The following KCNH1 variants were observed in gnomAD, a reference collection of about 807,000 sequenced individuals.
The protein encoded by KCNH1 is voltage-gated delayed rectifier potassium channel KCNH1.
In KCNH1, 27 loss-of-function variants were observed where a neutral mutation model predicts 69.2. The ratio of observed to expected loss-of-function variants is 0.39; its 90% CI spans 0.29 to 0.54. The LOEUF (loss-of-function observed/expected upper bound fraction) is 0.54, where lower values mean the gene tolerates loss of function less well. Ranked by LOEUF, KCNH1 falls within the 20% of genes least tolerant of loss-of-function variation. The pLI is 0.68. For missense variants in KCNH1, 798 were observed against 1,261.6 expected (o/e 0.63, Z 5.57); for synonymous variants, 456 against 487.7 (o/e 0.93, Z 0.86).
chr1:210,802,327 T>A (rs1025574628), intron 8 of KCNH1, among the ~76,000 whole-genome samples: 51 of 152,338 alleles, frequency 3.3e-4, no homozygotes, highest in African/African-American at 7.9e-4. Context: ...GGAACATAAG[T>A]AGCTGATCCC....
chr1:211,037,160 TC>T (rs1689914364), intron 5 of KCNH1, among the ~76,000 whole-genome samples: 1 of 152,156 alleles, frequency 6.6e-6, no homozygotes, highest in African/African-American at 2.4e-5. Flanking sequence ...GTGAGGGAGT[TC>T]TACAGATGGG....
chr1:210,968,176 G>A (rs1314569869), intron 6 of KCNH1, among the ~76,000 whole-genome samples: 1 of 144,842 alleles, frequency 6.9e-6, no homozygotes, highest in Non-Finnish European at 1.5e-5. Flanking sequence ...TTTCATCCAT[G>A]TCCCTACAAA....
intron 7 of KCNH1, among the ~76,000 whole-genome samples, chr1:210,832,565 C>T (rs1685184956): frequency 6.6e-6 from 1 of 151,910 alleles, no homozygotes; most frequent in South Asian, 2.1e-4. Context: ...AAAAGATAAC[C>T]AGGATTATTT....
intron 9 of KCNH1, among the ~76,000 whole-genome samples, chr1:210,791,427 C>T (rs996287278): frequency 2.0e-5 from 3 of 152,194 alleles, no homozygotes; most frequent in Non-Finnish European, 4.4e-5. Flanking sequence ...TTTGTGTCCA[C>T]TATAGTTGAG....
intron 8 of KCNH1, among the ~76,000 whole-genome samples, chr1:210,803,103 C>A (rs1241781082): frequency 4.6e-5 from 7 of 152,116 alleles, no homozygotes; most frequent in Non-Finnish European, 1.0e-4. Context: ...TTAGTAATGA[C>A]ATCATGGGAT....
In KCNH1 at chr1:210,919,399, T is replaced by G. The variant is rs1300748826; in HGVS notation, c.1462+241A>C. The G allele has an allele frequency of 4.2e-5, 21 of 506,002 alleles. No individual in the cohort carries two copies. In the East Asian group the frequency reaches 6.7e-4, roughly 16 times the overall value. The allele number at this position is 506,002 out of a possible 1,614,324, so 31.3% of individuals were successfully genotyped here. ...GACACCAACAGTATTAGTAGTTATCTCTGAAAAGCAGAATTATGGATAGTC... is the reference window on the plus strand; with the variant it reads ...GACACCAACAGTATTAGTAGTTATCGCTGAAAAGCAGAATTATGGATAGTC... On this transcript the variant is annotated intron_variant, in intron 7 of 10. Coordinates refer to ENST00000271751, the MANE Select transcript of KCNH1 (RefSeq NM_172362.3). The surrounding 1 kb of genome is among the most constrained non-coding windows in gnomAD (Gnocchi z 4.2).
chr1:211,017,385 A>G (rs1344612481), intron 6 of KCNH1, among the ~76,000 whole-genome samples: 1 of 152,150 alleles, frequency 6.6e-6, no homozygotes, highest in Admixed American at 6.5e-5. Flanking sequence ...CCTGAGTCCT[A>G]TGAGCCGTTT....
intron 7 of KCNH1, among the ~76,000 whole-genome samples, chr1:210,813,556 T>C (rs1480767893): frequency 1.3e-5 from 2 of 152,208 alleles, no homozygotes; most frequent in Non-Finnish European, 2.9e-5. Flanking sequence ...TCTAATTTTG[T>C]TAATGTAGTT....
intron 7 of KCNH1, among the ~76,000 whole-genome samples, chr1:210,808,399 C>T (rs1430723991): frequency 6.6e-6 from 1 of 152,170 alleles, no homozygotes; most frequent in Non-Finnish European, 1.5e-5. Flanking sequence ...CCATCATTTA[C>T]AGCTCAGGGC....
chr1:210,982,854 C>G (rs917434670), intron 6 of KCNH1, among the ~76,000 whole-genome samples: 3 of 152,200 alleles, frequency 2.0e-5, no homozygotes, highest in African/African-American at 7.2e-5. Context: ...CACTGACTTC[C>G]ACAATGGTTG....
intron 7 of KCNH1, among the ~76,000 whole-genome samples, chr1:210,886,432 A>G (rs1018504496): frequency 6.6e-6 from 1 of 152,190 alleles, no homozygotes; most frequent in Admixed American, 6.5e-5. Flanking sequence ...ACCCACGAAG[A>G]TGAGGAAAAA....
At position 210,678,637 on chromosome 1, in the gene KCNH1, A is replaced by G. The variant is rs1681193015; in HGVS notation, c.*4644T>C. On this transcript the variant is annotated 3_prime_UTR_variant, in exon 11 of 11. Coordinates refer to ENST00000271751, the MANE Select transcript of KCNH1 (RefSeq NM_172362.3). ...TATTAATATAAGGAGAAGCCCCAGA[A>G]TGATGAACTGCTCATAAGTAGAAGT... is the stretch of plus-strand genomic sequence containing the variant. The G allele has an allele frequency of 6.6e-6, 1 of 152,262 alleles. No individual in the cohort carries two copies. Among genetic ancestry groups the G allele is most frequent in the Admixed American group, 6.5e-5 (1 of 15,284 alleles). The allele number at this position is 152,262 out of a possible 1,614,324, so 9.4% of individuals were successfully genotyped here.
intron 6 of KCNH1, among the ~76,000 whole-genome samples, chr1:210,939,190 C>T (rs1184054413): frequency 6.6e-6 from 1 of 152,056 alleles, no homozygotes; most frequent in Admixed American, 6.6e-5. Context: ...ACTAATAAAC[C>T]GGTGACAAAC....
intron 10 of KCNH1, among the ~76,000 whole-genome samples, chr1:210,730,447 T>C (rs777488672): frequency 1.3e-5 from 2 of 152,114 alleles, no homozygotes; most frequent in Non-Finnish European, 2.9e-5. Context: ...AGATGACCTT[T>C]TTAAGGGTAG....
At chr1:210,986,943 T>C (rs1688850482) in intron 6 of KCNH1, among the ~76,000 whole-genome samples, 1 of 152,228 alleles carries the variant, frequency 6.6e-6, no homozygotes, top group South Asian at 2.1e-4. Flanking sequence ...GATTTGGTCT[T>C]TTCACATAGT....
intron 9 of KCNH1, among the ~76,000 whole-genome samples, chr1:210,791,895 G>C (rs1010347703): frequency 6.6e-6 from 1 of 152,160 alleles, no homozygotes; most frequent in Admixed American, 6.5e-5. Context: ...CTGTGACAAG[G>C]AGGTGTCCTT....
At chr1:210,709,670 GGAAA>G (rs1558433261) in intron 10 of KCNH1, among the ~76,000 whole-genome samples, 1 of 147,082 alleles carries the variant, frequency 6.8e-6, no homozygotes, top group African/African-American at 2.5e-5. Context: ...ACAGATAGAC[GGAAA>G]GAAAGAGAGA....
intron 7 of KCNH1, among the ~76,000 whole-genome samples, chr1:210,879,059 C>T (rs555792849): frequency 5.1e-4 from 77 of 151,984 alleles, no homozygotes; most frequent in African/African-American, 1.8e-3. Flanking sequence ...TTGAAAGAAA[C>T]AATATGCAAA....
intron 7 of KCNH1, among the ~76,000 whole-genome samples, chr1:210,834,666 C>A (rs1685244337): frequency 7.0e-6 from 1 of 142,334 alleles, no homozygotes; most frequent in African/African-American, 2.8e-5. Context: ...CACATGTACC[C>A]TAAAACTTAA....
Sources: gnomAD v4.1 joint callset for allele counts (sites outside exome capture counted in the v4.1 genomes callset) on GRCh38, gnomAD v4.1.1 for gene constraint, Gnocchi (gnomAD v3.1) non-coding constraint, MANE v1.5 for transcripts, NCBI Gene and HGNC (gene_info 2026-07-23, HGNC 2026-07-21) for gene names.